Variants in TGFBR1 observed in about 807,000 individuals in gnomAD.
The protein encoded by TGFBR1 is transforming growth factor beta receptor 1, also known as TGF-beta receptor type-1.
Under a neutral mutation model 55.1 loss-of-function variants are expected in TGFBR1, and 20 were observed. The observed-to-expected ratio is 0.36, with a 90% CI of 0.26 to 0.53. TGFBR1 has a LOEUF of 0.53. TGFBR1 is among the 20% of genes least tolerant of loss of function. The probability of loss-of-function intolerance (pLI) is 0.91; values close to 1 mark genes in which losing one functional copy is unlikely to be tolerated. For missense variants in TGFBR1, 385 were observed against 617.6 expected (o/e 0.62, Z 3.99); for synonymous variants, 220 against 214.8 (o/e 1.02, Z -0.21).
At chr9:99,117,299 G>T (rs1023601519) in intron 1 of TGFBR1, among the ~76,000 whole-genome samples, 1 of 147,198 alleles carries the variant, frequency 6.8e-6, no homozygotes, top group South Asian at 2.1e-4. Context: ...GGGTTTCACC[G>T]TGTTGGCCAG....
chr9:99,106,211 C>G (rs1307086716), intron 1 of TGFBR1, among the ~76,000 whole-genome samples: 2 of 152,294 alleles, frequency 1.3e-5, no homozygotes, highest in Admixed American at 6.5e-5. Flanking sequence ...TAGTTTGATT[C>G]AGACATCTGT....
chr9:99,145,939 G>A (rs1827780574), intron 6 of TGFBR1: 1 of 170,112 alleles, frequency 5.9e-6, no homozygotes, highest in African/African-American at 2.4e-5. Context: ...ACGAGATCGG[G>A]CGTGTTTAGG....
Position 99,151,052 on chromosome 9 carries a change from T to C in TGFBR1, c.*1747T>C. ...CAGTATTTTGGTCAGGAAGAGAAAG[T>C]GGCCATTTACACTGAATGAGTTGCA... On this transcript the variant is annotated 3_prime_UTR_variant, in exon 9 of 9. Transcript: ENST00000374994. 2 of 228,300 alleles carry C rather than the reference T, an allele frequency of 8.8e-6. No individual in the cohort carries two copies. Among genetic ancestry groups the C allele is most frequent in the Non-Finnish European group, 1.7e-5 (2 of 114,798 alleles). The allele number at this position is 228,300 out of a possible 1,614,324, so 14.1% of individuals were successfully genotyped here. A position where few individuals can be genotyped will look rare whatever the true frequency, so the allele number is the denominator to read the frequency against.
intron 4 of TGFBR1, among the ~76,000 whole-genome samples, chr9:99,140,083 C>T (rs1022534736): frequency 2.6e-5 from 4 of 152,126 alleles, no homozygotes; most frequent in Non-Finnish European, 4.4e-5. Context: ...TTGATTAAGA[C>T]GGGGCAGTGA....
intron 1 of TGFBR1, among the ~76,000 whole-genome samples, chr9:99,121,360 G>A (rs1459594587): frequency 2.6e-5 from 4 of 152,070 alleles, no homozygotes; most frequent in African/African-American, 7.2e-5. Flanking sequence ...TGGAGGTCAG[G>A]GTTTTAGCCA....
Position 99,152,733 on chromosome 9 carries a change from T to G in TGFBR1, c.*3428T>G, listed in dbSNP as rs201143384. 8.8e-6 allele frequency: 2 copies of G among 227,540 alleles called. No homozygotes were observed. Among genetic ancestry groups the G allele is most frequent in the African/African-American group, 4.4e-5 (2 of 45,020 alleles). The allele number at this position is 227,540 out of a possible 1,614,324, so 14.1% of individuals were successfully genotyped here. On this transcript the variant is annotated 3_prime_UTR_variant, in exon 9 of 9. Transcript: ENST00000374994. Reference sequence around the variant, plus strand: ...GGCTCCAAATGGTAGTGATTCCAAATAATGGTTCTGTTAACACTTTGGCAG... The same window carrying G: ...GGCTCCAAATGGTAGTGATTCCAAAGAATGGTTCTGTTAACACTTTGGCAG...
At chr9:99,147,631 T>C (rs1827838296) in intron 7 of TGFBR1, 23 bp from the exon 8 acceptor site, 7 of 1,609,510 alleles carry the variant, frequency 4.3e-6, no homozygotes, top group Non-Finnish European at 5.9e-6. Flanking sequence ...CATCAAAATT[T>C]AATTTTTTTT....
intron 2 of TGFBR1, among the ~76,000 whole-genome samples, chr9:99,131,157 A>G (rs189308275): frequency 7.9e-4 from 121 of 152,326 alleles, no homozygotes; most frequent in African/African-American, 2.8e-3. Flanking sequence ...TTTCAAGAAT[A>G]AAAGAATTAT....
chr9:99,124,233 G>C (rs2118497958), intron 1 of TGFBR1, among the ~76,000 whole-genome samples: 1 of 152,174 alleles, frequency 6.6e-6, no homozygotes, highest in African/African-American at 2.4e-5. Flanking sequence ...TCAGGACTCA[G>C]GATTTTAATT....
At chr9:99,119,960 T>C (rs927142441) in intron 1 of TGFBR1, among the ~76,000 whole-genome samples, 2 of 152,252 alleles carry the variant, frequency 1.3e-5, no homozygotes, top group Non-Finnish European at 2.9e-5. Flanking sequence ...GACCAGAGAC[T>C]GGCACGTAAT....
At chr9:99,113,668 C>T (rs1826649524) in intron 1 of TGFBR1, among the ~76,000 whole-genome samples, 1 of 152,096 alleles carries the variant, frequency 6.6e-6, no homozygotes, top group Admixed American at 6.5e-5. Context: ...CATAGCCTGA[C>T]ACCAGTAGGT....
Position 99,142,616 on chromosome 9 carries a change from A to G in TGFBR1, c.886A>G (p.Thr296Ala), listed in dbSNP as rs1443375770. 1.9e-6 allele frequency: 3 copies of G among 1,614,052 alleles called. No individual in the cohort carries two copies. Among genetic ancestry groups the G allele is most frequent in the East Asian group, 2.2e-5 (1 of 44,882 alleles). ...GSLFDYLNRY[T>A]VTVEGMIKLA... ...CCTTTTTGATTACTTAAACAGATAC[A>G]CAGTTACTGTGGAAGGAATGATAAA... Residue 296 changes from threonine to alanine, a missense_variant, in exon 5 of 9, where the codon ACA becomes GCA. Around this residue, in one of 5 missense-constraint regions of TGFBR1, gnomAD observed 85 missense variants for 228.4 expected, o/e 0.37. Transcript: ENST00000374994.
At chr9:99,146,460 A>C in intron 6 of TGFBR1, 25 bp from the exon 7 acceptor site, 1 of 1,613,664 alleles carries the variant, frequency 6.2e-7, no homozygotes, top group Non-Finnish European at 8.5e-7. Flanking sequence ...TGATTTTCAA[A>C]GTTCTTTTTG....
At chr9:99,138,125 A>G in intron 4 of TGFBR1, 36 bp downstream of exon 4, 1 of 1,563,528 alleles carries the variant, frequency 6.4e-7, no homozygotes. Context: ...GTTATATATA[A>G]CAAGATCTCT....
rs968094003 is a variant in TGFBR1, at chr9:99,105,158, A to C, written c.-48A>C. The stretch of plus-strand genomic sequence containing the variant: ...GAGGCGAGGTTTGCTGGGGTGAGGC[A>C]GCGGCGCGGCCGGGCCGGGCCGGGC... On this transcript the variant is annotated 5_prime_UTR_variant, in exon 1 of 9. Coordinates refer to ENST00000374994, the MANE Select transcript of TGFBR1 (RefSeq NM_004612.4). 1 of 1,078,784 alleles carries C rather than the reference A, an allele frequency of 9.3e-7. No individual in the cohort carries two copies. The highest frequency in any genetic ancestry group is 1.1e-6 in the Non-Finnish European group (1 of 889,962). 66.8% of individuals were successfully genotyped at this position (1,078,784 alleles called of 1,614,324 possible).
chr9:99,127,981 AAAAAC>A (rs1564146981), intron 1 of TGFBR1: 1 of 456,054 alleles, frequency 2.2e-6, no homozygotes, highest in Non-Finnish European at 4.4e-6. Context: ...TAGGAGAAAG[AAAAAC>A]AAAACTAGCA....
intron 1 of TGFBR1, chr9:99,128,027 CACTTA>C (rs780880298): frequency 2.4e-5 from 11 of 455,750 alleles, no homozygotes; most frequent in South Asian, 3.1e-5. Context: ...TTTTGGAGAG[CACTTA>C]ACTTCATCAG....
Position 99,149,269 on chromosome 9 carries a change from A to G in TGFBR1, c.1476A>G (p.Leu492=). 1.2e-6 allele frequency: 2 copies of G among 1,613,932 alleles called. No individual in the cohort carries two copies. Among genetic ancestry groups the G allele is most frequent in the East Asian group, 4.5e-5 (2 of 44,870 alleles). The change falls in exon 9 of 9, where the codon TTA becomes TTG. Residue 492 remains leucine (L), a synonymous_variant. Transcript: ENST00000374994. ...CAGCATTGCGGATTAAGAAAACATT[A>G]TCGCAACTCAGTCAACAGGAAGGCA... ...RLTALRIKKT[L]SQLSQQEGIK... is the part of the protein sequence containing the mutation.
At chr9:99,146,784 T>A (rs1389503586) in intron 7 of TGFBR1, among the ~76,000 whole-genome samples, 175 bp downstream of exon 7, 5 of 152,218 alleles carry the variant, frequency 3.3e-5, no homozygotes, top group Admixed American at 3.3e-4. Context: ...TGCCATGGTG[T>A]GCACATGCAC....
Sources: allele counts gnomAD v4.1 joint callset (sites outside exome capture counted in the v4.1 genomes callset), GRCh38; gene constraint gnomAD v4.1.1; regional missense constraint gnomAD v4.1.1; transcripts MANE v1.5; gene names NCBI Gene and HGNC (gene_info 2026-07-23, HGNC 2026-07-21).